Variants in VRK2 observed in about 807,000 individuals in gnomAD.
VRK2 encodes the protein VRK serine/threonine kinase 2.
Under a neutral mutation model 57.6 loss-of-function variants are expected in VRK2, and 60 were observed. That is an observed-to-expected ratio of 1.04 (90% CI 0.85 to 1.29). The LOEUF is 1.29. VRK2 is among the 50% of genes most tolerant of loss of function. VRK2 has a pLI of 0.00. For missense variants in VRK2, 705 were observed against 588.1 expected (o/e 1.20, Z -2.06); for synonymous variants, 231 against 199.2 (o/e 1.16, Z -1.35).
chr2:58,090,088 A>G (rs1012570761), intron 7 of VRK2, among the ~76,000 whole-genome samples: 4 of 151,032 alleles, frequency 2.6e-5, no homozygotes, highest in East Asian at 1.9e-4. Context: ...TTCCTACTGT[A>G]TAACCAATTA....
intron 7 of VRK2, among the ~76,000 whole-genome samples, chr2:58,111,423 A>G (rs1424189501): frequency 1.3e-5 from 2 of 152,154 alleles, no homozygotes; most frequent in Non-Finnish European, 1.5e-5. Flanking sequence ...TGATGGCTAC[A>G]TTCAGAAAAA....
Position 58,137,116 on chromosome 2 carries a change from CATAT to C in VRK2, c.856+1920_856+1923del, listed in dbSNP as rs1195980943. Among the ~76,000 whole-genome samples the C allele has an allele frequency of 5.5e-3, 355 of 64,896 alleles. 2 individuals carry two copies. The highest frequency in any genetic ancestry group is 0.018 in the African/African-American group (342 of 19,046). 42.6% of individuals were successfully genotyped at this position (64,896 alleles called of 152,430 possible). A position where few individuals can be genotyped will look rare whatever the true frequency, so the allele number is the denominator to read the frequency against. ...TATATATCATATATATAACATATAT[CATAT>C]ATGTGTATATATCATATATCATATA... On this transcript the variant is annotated intron_variant, in intron 10 of 12. Transcript: ENST00000340157.
At chr2:58,026,282 G>A (rs1000306227) in intron 2 of VRK2, among the ~76,000 whole-genome samples, 2 of 151,954 alleles carry the variant, frequency 1.3e-5, no homozygotes, top group African/African-American at 2.4e-5. Context: ...AATTGTGTGT[G>A]TGTGCGCGCG....
chr2:58,049,104 A>C, intron 2 of VRK2, 137 bp downstream of exon 2: 1 of 1,092,430 alleles, frequency 9.2e-7, no homozygotes, highest in Non-Finnish European at 1.3e-6. Context: ...TCGATTAAGT[A>C]ATAATAGAGT....
intron 1 of VRK2, among the ~76,000 whole-genome samples, chr2:57,946,794 TA>T (rs1449683302): frequency 5.3e-5 from 8 of 152,142 alleles, no homozygotes; most frequent in Non-Finnish European, 1.2e-4. Context: ...TTTGCTAGCT[TA>T]CTACAGTCAT....
At chr2:57,945,878 T>C (rs1448777445) in intron 1 of VRK2, among the ~76,000 whole-genome samples, 2 of 152,162 alleles carry the variant, frequency 1.3e-5, no homozygotes, top group Non-Finnish European at 1.5e-5. Context: ...GACATGTAAA[T>C]AGTGATCTGA....
intron 1 of VRK2, among the ~76,000 whole-genome samples, chr2:57,986,862 G>C (rs938480177): frequency 2.0e-5 from 3 of 152,110 alleles, no homozygotes; most frequent in Non-Finnish European, 2.9e-5. Context: ...GCCTCCCAAA[G>C]TGCTGGGATT....
At chr2:57,932,790 T>G (rs1670772116) in intron 1 of VRK2, among the ~76,000 whole-genome samples, 1 of 152,136 alleles carries the variant, frequency 6.6e-6, no homozygotes, top group Non-Finnish European at 1.5e-5. Flanking sequence ...AGTTTTTATT[T>G]GATATTTTTC....
intron 9 of VRK2, among the ~76,000 whole-genome samples, chr2:58,134,617 CAAAAA>C (rs70954875): frequency 2.7e-5 from 2 of 73,112 alleles, no homozygotes; most frequent in Non-Finnish European, 2.9e-5. Context: ...GACTCCGTCT[CAAAAA>C]AAAAAAAAAA....
chr2:58,122,829 C>T (rs1677723087), intron 7 of VRK2, among the ~76,000 whole-genome samples: 1 of 152,028 alleles, frequency 6.6e-6, no homozygotes, highest in South Asian at 2.1e-4. Context: ...AGATGCCCAC[C>T]TGGAGGGAAG....
At chr2:58,053,589 T>A (rs561565694) in intron 2 of VRK2, among the ~76,000 whole-genome samples, 1 of 152,200 alleles carries the variant, frequency 6.6e-6, no homozygotes, top group Non-Finnish European at 1.5e-5. Context: ...CTTCATAAAA[T>A]AATTTTTTAT....
intron 2 of VRK2, among the ~76,000 whole-genome samples, chr2:58,052,410 C>G (rs1252986908): frequency 1.3e-5 from 2 of 152,058 alleles, no homozygotes; most frequent in African/African-American, 4.8e-5. Flanking sequence ...CTCCATCCAG[C>G]CTGGGCAACT....
chr2:57,915,856 G>T (rs1259132225), intron 1 of VRK2, among the ~76,000 whole-genome samples: 1 of 152,114 alleles, frequency 6.6e-6, no homozygotes, highest in African/African-American at 2.4e-5. Context: ...CAGCCCAGCA[G>T]AGACATTAGA....
At chr2:58,024,865 T>A (rs550380085) in intron 1 of VRK2, among the ~76,000 whole-genome samples, 1 of 152,348 alleles carries the variant, frequency 6.6e-6, no homozygotes, top group Admixed American at 6.5e-5. Context: ...TCCATCATTT[T>A]GGGGGCTAAA....
intron 12 of VRK2, chr2:58,154,774 A>C: frequency 4.2e-6 from 3 of 717,652 alleles, no homozygotes; most frequent in Non-Finnish European, 7.8e-6. Context: ...AGCTTAGGCT[A>C]TTGATTTGAA....
intron 7 of VRK2, among the ~76,000 whole-genome samples, chr2:58,099,907 T>C (rs555514511): frequency 2.6e-5 from 4 of 152,192 alleles, no homozygotes; most frequent in Admixed American, 2.6e-4. Flanking sequence ...GCTCTAAAAT[T>C]CTATGATTTT....
intron 10 of VRK2, 134 bp downstream of exon 10, chr2:58,135,333 T>A: frequency 1.2e-6 from 1 of 819,950 alleles, no homozygotes; most frequent in Non-Finnish European, 2.0e-6. Flanking sequence ...CTCTTCATGT[T>A]GCAAATAAGT....
chr2:58,103,203 A>G (rs1674262397), intron 7 of VRK2, among the ~76,000 whole-genome samples: 1 of 151,716 alleles, frequency 6.6e-6, no homozygotes, highest in African/African-American at 2.4e-5. Context: ...ACCCATAGCT[A>G]GCAGAAGAAA....
chr2:58,085,676 T>G (rs574112030), intron 4 of VRK2, among the ~76,000 whole-genome samples: 1 of 152,070 alleles, frequency 6.6e-6, no homozygotes, highest in South Asian at 2.1e-4. Context: ...AATAAAGTCT[T>G]CTAAACATTA....
Sources: allele counts gnomAD v4.1 joint callset (sites outside exome capture counted in the v4.1 genomes callset), GRCh38; gene constraint gnomAD v4.1.1; transcripts MANE v1.5; gene names NCBI Gene and HGNC (gene_info 2026-07-23, HGNC 2026-07-21).